PVT1: variants seen among roughly 807,000 people sequenced by gnomAD.
PVT1 encodes Pvt1 oncogene, also known as CXCR4/PVT1 fusion.
Position 128,016,062 on chromosome 8 carries a change from C to T in PVT1, n.912+26771C>T, listed in dbSNP as rs59519531. On this transcript the variant is annotated intron_variant and non_coding_transcript_variant, in intron 4 of 10. Coordinates refer to ENST00000651587, the Ensembl canonical transcript of PVT1. ...GGAAGCCAAGGTGGGAGGATTGCTTCATCTCAGGAGTTGGAGATCAGCCTG... is the reference window on the plus strand; with the variant it reads ...GGAAGCCAAGGTGGGAGGATTGCTTTATCTCAGGAGTTGGAGATCAGCCTG... 2.8e-3 allele frequency among the ~76,000 whole-genome samples: 431 copies of T among 152,188 alleles called. 4 individuals are homozygous for T. Among genetic ancestry groups the T allele is most frequent in the Middle Eastern group, 0.02 (6 of 294 alleles).
At chr8:128,068,431 A>G (rs1484608069) in intron 4 of PVT1, among the ~76,000 whole-genome samples, 1 of 152,218 alleles carries the variant, frequency 6.6e-6, no homozygotes, top group African/African-American at 2.4e-5. Context: ...GATGTTCACC[A>G]GAAAATCAGA....
At chr8:127,969,760 A>G (rs1563653217) in intron 3 of PVT1, among the ~76,000 whole-genome samples, 2 of 152,322 alleles carry the variant, frequency 1.3e-5, no homozygotes, top group East Asian at 3.9e-4. Context: ...CACCAAGATA[A>G]AGATGGGAAA....
chr8:127,965,944 GAA>G (rs1163572427), intron 3 of PVT1, among the ~76,000 whole-genome samples: 3 of 152,232 alleles, frequency 2.0e-5, no homozygotes, highest in Non-Finnish European at 1.5e-5. Flanking sequence ...ACTTTGATAT[GAA>G]TGCAGAATCA....
At chr8:128,058,544 T>C (rs1418512171) in intron 4 of PVT1, among the ~76,000 whole-genome samples, 1 of 152,206 alleles carries the variant, frequency 6.6e-6, no homozygotes, top group African/African-American at 2.4e-5. Context: ...GACTTCACCG[T>C]TGTTCAGACC....
chr8:127,846,223 A>G (rs1815032287), intron 2 of PVT1, among the ~76,000 whole-genome samples: 1 of 151,294 alleles, frequency 6.6e-6, no homozygotes, highest in East Asian at 1.9e-4. Context: ...GAAAGAAAGA[A>G]CAGGTGGGAG....
chr8:127,872,164 C>T lies in PVT1; in HGVS notation n.373-18425C>T, dbSNP rs1228657346. Among the ~76,000 whole-genome samples, 3 of 152,116 alleles carry T rather than the reference C, an allele frequency of 2.0e-5. No homozygotes were observed. The East Asian group carries it at 5.8e-4, about 29-fold the overall frequency. On this transcript the variant is annotated intron_variant and non_coding_transcript_variant, in intron 2 of 10. Coordinates refer to ENST00000651587, the Ensembl canonical transcript of PVT1. Reference sequence around the variant, plus strand: ...GTGTGGTGGCTCATGCCTGTAATCCCAGCACTTGGAGAGGCCGAGGCAGGC... The same window carrying T: ...GTGTGGTGGCTCATGCCTGTAATCCTAGCACTTGGAGAGGCCGAGGCAGGC...
chr8:128,061,124 G>A (rs1460648382), intron 4 of PVT1, among the ~76,000 whole-genome samples: 1 of 152,170 alleles, frequency 6.6e-6, no homozygotes, highest in African/African-American at 2.4e-5. Context: ...TGGCGAGGCT[G>A]GTCTCAAACT....
intron 2 of PVT1, among the ~76,000 whole-genome samples, chr8:127,860,598 A>G (rs1226410375): frequency 6.6e-6 from 1 of 151,878 alleles, no homozygotes; most frequent in Non-Finnish European, 1.5e-5. Context: ...CCCCGTCTCT[A>G]CTAAAAATAC....
At chr8:128,049,280 G>T (rs368251612) in intron 4 of PVT1, 6 of 494,300 alleles carry the variant, frequency 1.2e-5, no homozygotes, top group Middle Eastern at 3.3e-4. Context: ...AGATGTTTGC[G>T]TCTTGGAGCC....
chr8:127,884,306 G>A (rs1175473607), intron 2 of PVT1, among the ~76,000 whole-genome samples: 1 of 152,172 alleles, frequency 6.6e-6, no homozygotes, highest in Admixed American at 6.5e-5. Context: ...TGTGGTACGT[G>A]CATTTTCAGA....
Position 127,877,574 on chromosome 8 carries a change from G to A in PVT1, n.373-13015G>A, listed in dbSNP as rs114522207. ...GTGGAGCTTCCCTGAACTCCACACC[G>A]CACATCTACTACTGTTTAGGATAAC... On this transcript the variant is annotated intron_variant and non_coding_transcript_variant, in intron 2 of 10. Coordinates refer to ENST00000651587, the Ensembl canonical transcript of PVT1. 5.8e-3 allele frequency among the ~76,000 whole-genome samples: 883 copies of A among 152,162 alleles called. 18 individuals are homozygous for A. The highest frequency in any genetic ancestry group is 0.051 in the East Asian group (265 of 5,168).
intron 5 of PVT1, among the ~76,000 whole-genome samples, chr8:128,070,762 T>C (rs1291981332): frequency 6.6e-6 from 1 of 152,128 alleles, no homozygotes; most frequent in Non-Finnish European, 1.5e-5. Flanking sequence ...TCCCAGCCAG[T>C]CCCTGACAGA....
At chr8:127,960,893 T>G (rs1185262812) in intron 3 of PVT1, among the ~76,000 whole-genome samples, 1 of 147,568 alleles carries the variant, frequency 6.8e-6, no homozygotes, top group Non-Finnish European at 1.5e-5. Flanking sequence ...GAGTTGGAAG[T>G]GCTCTTTTTC....
At position 127,805,185 on chromosome 8, in the gene PVT1, C is replaced by G. The variant is rs1814512371; in HGVS notation, n.372+9114C>G. Among the ~76,000 whole-genome samples, 3 of 151,436 alleles carry G rather than the reference C, an allele frequency of 2.0e-5. No homozygotes were observed. The South Asian group carries it at 6.3e-4, about 32-fold the overall frequency. ...CCTCAGGTGATCCACCCGCCTTGGC[C>G]TCCCAAAGTGCTGGGATTACAGGAG... On this transcript the variant is annotated intron_variant and non_coding_transcript_variant, in intron 2 of 10. Coordinates refer to ENST00000651587, the Ensembl canonical transcript of PVT1.
intron 5 of PVT1, among the ~76,000 whole-genome samples, chr8:128,079,389 T>A (rs1586510741): frequency 1.3e-5 from 2 of 152,250 alleles, no homozygotes; most frequent in East Asian, 1.9e-4. Context: ...TCTCCCGTCA[T>A]ATCCCCTATT....
chr8:128,099,290 A>G (rs1006889626), intron 6 of PVT1: 1 of 152,266 alleles, frequency 6.6e-6, no homozygotes, highest in Non-Finnish European at 1.5e-5. Context: ...AAGGCAGTGG[A>G]GGCCAAGAGA....
intron 2 of PVT1, among the ~76,000 whole-genome samples, chr8:127,796,570 T>G (rs1242655623): frequency 1.3e-5 from 2 of 152,192 alleles, no homozygotes; most frequent in Admixed American, 1.3e-4. Context: ...CTGCCCAAGA[T>G]GGACACGTTT....
At chr8:127,954,274 CTG>C (rs1414766012) in intron 3 of PVT1, among the ~76,000 whole-genome samples, 25 of 148,600 alleles carry the variant, frequency 1.7e-4, no homozygotes, top group Non-Finnish European at 3.1e-4. Flanking sequence ...ACTGCTGTGA[CTG>C]AGACTCAACA....
chr8:128,094,790 T>C (rs1434798266), intron 5 of PVT1, among the ~76,000 whole-genome samples: 1 of 152,222 alleles, frequency 6.6e-6, no homozygotes, highest in Non-Finnish European at 1.5e-5. Flanking sequence ...AGGGAGAATC[T>C]GAACCAGTAC....
Sources: gnomAD v4.1 joint callset for allele counts (sites outside exome capture counted in the v4.1 genomes callset) on GRCh38, gnomAD v4.1.1 for gene constraint, MANE v1.5 for transcripts, NCBI Gene and HGNC (gene_info 2026-07-23, HGNC 2026-07-21) for gene names.